TANGO6: variants seen among roughly 807,000 people sequenced by gnomAD.
TANGO6 encodes transport and Golgi organization protein 6 homolog.
A neutral mutation model predicts 114.2 loss-of-function variants in TANGO6; 90 were observed. The observed-to-expected ratio is 0.79, with a 90% CI of 0.66 to 0.94. TANGO6 has a LOEUF of 0.94. Ranked by LOEUF, TANGO6 falls within the 40% of genes least tolerant of loss-of-function variation. The pLI, the probability that TANGO6 is intolerant of heterozygous loss-of-function variation, is 0.00. For missense variants in TANGO6, 1,274 were observed against 1,315.3 expected (o/e 0.97, Z 0.49); for synonymous variants, 477 against 509.8 (o/e 0.94, Z 0.87).
chr16:68,909,384 A>G lies in TANGO6; in HGVS notation c.1974A>G (p.Ile658Met). ...AVLCERMSEQ[I>M]FTNVTQVVDF... ...TGTGCGAGAGAATGTCTGAGCAGAT[A>G]TTCACAAACGTCACTCAGGTCAGTA... is the stretch of plus-strand genomic sequence containing the variant. Residue 658 changes from isoleucine to methionine, a missense_variant, in exon 11 of 18, where the codon ATA becomes ATG. Coordinates refer to ENST00000261778, the MANE Select transcript of TANGO6 (RefSeq NM_024562.2). The G allele has an allele frequency of 6.5e-7, 1 of 1,548,204 alleles. No homozygotes were observed. The highest frequency in any genetic ancestry group is 8.7e-7 in the Non-Finnish European group (1 of 1,142,912).
chr16:68,987,695 T>A (rs1301833498), intron 15 of TANGO6, among the ~76,000 whole-genome samples: 3 of 152,222 alleles, frequency 2.0e-5, no homozygotes, highest in African/African-American at 7.2e-5. Context: ...TACTAACAGA[T>A]CTTTTCCTAA....
chr16:68,924,843 A>G (rs1450418402), intron 12 of TANGO6, among the ~76,000 whole-genome samples: 2 of 151,872 alleles, frequency 1.3e-5, no homozygotes, highest in Non-Finnish European at 2.9e-5. Context: ...CACCCAGTGC[A>G]TTTCCCTGGA....
intron 12 of TANGO6, 60 bp from the exon 13 acceptor site, chr16:68,927,508 A>C (rs1963182309): frequency 6.4e-7 from 1 of 1,552,884 alleles, no homozygotes; most frequent in Admixed American, 1.8e-5. Flanking sequence ...CCTGGTGCTC[A>C]GGTCATATTG....
At chr16:68,914,389 C>T (rs770423808) in intron 11 of TANGO6, among the ~76,000 whole-genome samples, 7 of 152,142 alleles carry the variant, frequency 4.6e-5, no homozygotes, top group Non-Finnish European at 7.4e-5. Flanking sequence ...CTCAAACTCC[C>T]GACCTCAGGT....
At chr16:69,044,885 G>A (rs542071420) in intron 17 of TANGO6, among the ~76,000 whole-genome samples, 2 of 152,156 alleles carry the variant, frequency 1.3e-5, no homozygotes, top group Non-Finnish European at 2.9e-5. Context: ...GCTGGGCGCA[G>A]TGCCTCATGC....
chr16:69,031,973 C>T (rs1382680744), intron 16 of TANGO6, among the ~76,000 whole-genome samples: 1 of 151,628 alleles, frequency 6.6e-6, no homozygotes, highest in African/African-American at 2.4e-5. Context: ...GACAAGTGAC[C>T]TTTGAGCAAA....
rs1414135527 is a variant in TANGO6 at position 69,040,537 on chromosome 16, G to A, written c.3108+116G>A. 1.2e-5 allele frequency: 10 copies of A among 805,424 alleles called. No individual in the cohort carries two copies. In the South Asian group the frequency reaches 1.4e-4, roughly 11 times the overall value. The allele number at this position is 805,424 out of a possible 1,614,324, so 49.9% of individuals were successfully genotyped here. On this transcript the variant is annotated intron_variant, in intron 17 of 17. Coordinates refer to ENST00000261778, the MANE Select transcript of TANGO6 (RefSeq NM_024562.2). ...CTTTCCTCGATGGATTCATCCAAAT[G>A]AATCCATCAACAGGGATTTTGTAGC... is the stretch of plus-strand genomic sequence containing the variant.
chr16:69,060,991 AAAAAAAAAC>A (rs1597075804), intron 17 of TANGO6, among the ~76,000 whole-genome samples: 1 of 151,268 alleles, frequency 6.6e-6, no homozygotes, highest in South Asian at 2.1e-4. Context: ...ACTCCGTCTA[AAAAAAAAAC>A]AAAAAAAACA....
intron 17 of TANGO6, among the ~76,000 whole-genome samples, chr16:69,045,927 G>A (rs1959849760): frequency 6.6e-6 from 1 of 151,226 alleles, no homozygotes; most frequent in Non-Finnish European, 1.5e-5. Flanking sequence ...AGCCGGGCGT[G>A]GTGTCACGCA....
intron 15 of TANGO6, among the ~76,000 whole-genome samples, chr16:69,016,763 T>C (rs570730784): frequency 2.8e-4 from 43 of 152,180 alleles, no homozygotes; most frequent in African/African-American, 9.9e-4. Flanking sequence ...GGGTTAAAGC[T>C]ATTCTTCTGC....
intron 15 of TANGO6, among the ~76,000 whole-genome samples, chr16:69,018,847 T>A (rs1295189922): frequency 6.6e-6 from 1 of 152,032 alleles, no homozygotes; most frequent in Non-Finnish European, 1.5e-5. Flanking sequence ...GAGGCGGAGC[T>A]TGCAGTGAGC....
At chr16:69,038,005 T>G (rs1959717780) in intron 16 of TANGO6, among the ~76,000 whole-genome samples, 1 of 152,248 alleles carries the variant, frequency 6.6e-6, no homozygotes, top group South Asian at 2.1e-4. Flanking sequence ...TGTTCTCATA[T>G]TCACCATTCT....
intron 17 of TANGO6, among the ~76,000 whole-genome samples, chr16:69,064,704 ACCT>A (rs1960188352): frequency 1.3e-5 from 2 of 152,154 alleles, no homozygotes; most frequent in South Asian, 4.2e-4. Context: ...AACCTCCCTA[ACCT>A]CCTGTGCCCT....
intron 10 of TANGO6, among the ~76,000 whole-genome samples, 200 bp downstream of exon 10, chr16:68,907,775 A>G (rs1962872587): frequency 2.0e-5 from 3 of 152,224 alleles, no homozygotes; most frequent in African/African-American, 4.8e-5. Flanking sequence ...ACTAGTACTC[A>G]TGTTATCTAC....
chr16:68,986,394 A>T (rs2152216670), intron 15 of TANGO6, among the ~76,000 whole-genome samples: 1 of 152,204 alleles, frequency 6.6e-6, no homozygotes, highest in East Asian at 1.9e-4. Context: ...ATTCTAGGAA[A>T]AGGGTGAGTC....
At position 68,952,965 on chromosome 16, in the gene TANGO6, G is replaced by A. The variant is rs189907776; in HGVS notation, c.2702-21063G>A. 3.1e-3 allele frequency among the ~76,000 whole-genome samples: 466 copies of A among 151,912 alleles called. 1 individual carries two copies. The highest frequency in any genetic ancestry group is 5.2e-3 in the Non-Finnish European group (352 of 67,956). On this transcript the variant is annotated intron_variant, in intron 14 of 17. Coordinates refer to ENST00000261778, the MANE Select transcript of TANGO6 (RefSeq NM_024562.2). ...TTTAAATAGGGACAAAAAGAGAATT[G>A]TAAAATATTTTCTTTGGCAATTAGG...
chr16:68,887,855 G>A (rs1174674169), intron 7 of TANGO6, among the ~76,000 whole-genome samples: 2 of 152,104 alleles, frequency 1.3e-5, no homozygotes, highest in South Asian at 2.1e-4. Context: ...CTCCAGCCTG[G>A]GCAACAGAGA....
At chr16:68,927,450 C>T (rs1210651839) in intron 12 of TANGO6, 118 bp from the exon 13 acceptor site, 2 of 1,088,682 alleles carry the variant, frequency 1.8e-6, no homozygotes, top group Non-Finnish European at 1.3e-6. Context: ...ACACTGATTA[C>T]ACCATGAGCA....
At chr16:68,911,418 T>C in intron 11 of TANGO6, among the ~76,000 whole-genome samples, 1 of 149,150 alleles carries the variant, frequency 6.7e-6, no homozygotes. Context: ...ATAGTTTCTT[T>C]TTTTTTTTTT....
Sources: allele counts gnomAD v4.1 joint callset (sites outside exome capture counted in the v4.1 genomes callset), GRCh38; gene constraint gnomAD v4.1.1; transcripts MANE v1.5; gene names NCBI Gene and HGNC (gene_info 2026-07-23, HGNC 2026-07-21).